Variants in KCNH7 observed in about 807,000 individuals in gnomAD.
The protein encoded by KCNH7 is potassium voltage-gated channel subfamily H member 7, also known as voltage-gated inwardly rectifying potassium channel KCNH7.
Under a neutral mutation model 120.8 loss-of-function variants are expected in KCNH7, and 49 were observed. The ratio of observed to expected loss-of-function variants is 0.41; its 90% CI spans 0.32 to 0.51. The LOEUF (loss-of-function observed/expected upper bound fraction) is 0.51, where lower values mean the gene tolerates loss of function less well. Among genes scored for constraint, KCNH7 ranks in the 20% least tolerant of loss-of-function variants. The pLI is 0.38. For synonymous variants in KCNH7, 547 were observed against 516.1 expected, an observed-to-expected ratio of 1.06 and a Z score of -0.81; for missense variants, 1,097 against 1,446.6, an observed-to-expected ratio of 0.76 and a Z score of 3.92.
intron 2 of KCNH7, among the ~76,000 whole-genome samples, chr2:162,665,790 A>G (rs1200923429): frequency 2.0e-5 from 3 of 152,088 alleles, no homozygotes; most frequent in Admixed American, 1.3e-4. Flanking sequence ...GTCTAATTAA[A>G]TTCAATTAAA....
chr2:162,496,524 G>A (rs573593429), intron 6 of KCNH7, among the ~76,000 whole-genome samples: 29 of 152,138 alleles, frequency 1.9e-4, no homozygotes, highest in African/African-American at 4.8e-4. Context: ...CTGGGAACCC[G>A]CTTTCAGAGC....
chr2:162,739,673 G>C (rs1293353212), intron 2 of KCNH7, among the ~76,000 whole-genome samples: 1 of 152,134 alleles, frequency 6.6e-6, no homozygotes, highest in Non-Finnish European at 1.5e-5. Flanking sequence ...AGTGAGACCT[G>C]ATCATTGGGA....
In KCNH7 at chr2:162,674,238, T is replaced by C. The variant is rs529867049; in HGVS notation, c.308-137158A>G. ...TACTAGAGATAAAAGTGTTAGAGAA[T>C]GAAGCAAAAATGATAGTAGCAGAAT... On this transcript the variant is annotated intron_variant, in intron 2 of 15. Transcript: ENST00000332142. 8.6e-5 allele frequency among the ~76,000 whole-genome samples: 13 copies of C among 151,880 alleles called. No individual in the cohort carries two copies. In the South Asian group the frequency reaches 1.2e-3, roughly 15 times the overall value.
chr2:162,459,954 C>T (rs1463570166), intron 6 of KCNH7, among the ~76,000 whole-genome samples: 2 of 151,798 alleles, frequency 1.3e-5, no homozygotes, highest in African/African-American at 4.8e-5. Context: ...ATTAGCTGGG[C>T]GTGGTGGCGC....
intron 2 of KCNH7, among the ~76,000 whole-genome samples, chr2:162,540,820 T>C (rs934944321): frequency 6.6e-6 from 1 of 152,014 alleles, no homozygotes; most frequent in East Asian, 1.9e-4. Context: ...ATGAATAGCT[T>C]ATAGAGGAGG....
intron 6 of KCNH7, among the ~76,000 whole-genome samples, chr2:162,495,945 A>G (rs141901452): frequency 2.7e-4 from 41 of 152,328 alleles, no homozygotes; most frequent in African/African-American, 8.9e-4. Flanking sequence ...TTATCTGGGC[A>G]TGTCAGCAAT....
intron 2 of KCNH7, among the ~76,000 whole-genome samples, chr2:162,580,852 A>G (rs944627966): frequency 9.2e-5 from 14 of 152,078 alleles, no homozygotes; most frequent in Non-Finnish European, 1.3e-4. Context: ...AGGAACATGT[A>G]GAGAGAAACC....
At chr2:162,562,835 CT>C (rs1388986235) in intron 2 of KCNH7, among the ~76,000 whole-genome samples, 1 of 152,190 alleles carries the variant, frequency 6.6e-6, no homozygotes, top group African/African-American at 2.4e-5. Context: ...CTAGCATAAA[CT>C]CTTTCCTTCT....
intron 2 of KCNH7, among the ~76,000 whole-genome samples, chr2:162,805,782 G>A (rs936576349): frequency 2.0e-5 from 3 of 152,078 alleles, no homozygotes; most frequent in African/African-American, 7.2e-5. Context: ...ACATATACAT[G>A]TATGTTTGTT....
intron 2 of KCNH7, among the ~76,000 whole-genome samples, chr2:162,823,115 C>T (rs1169954867): frequency 6.6e-6 from 1 of 152,122 alleles, no homozygotes; most frequent in Non-Finnish European, 1.5e-5. Context: ...AGAAGACAGT[C>T]TGCACTCAGA....
intron 12 of KCNH7, among the ~76,000 whole-genome samples, chr2:162,388,273 C>G (rs1039903635): frequency 2.6e-5 from 4 of 151,660 alleles, no homozygotes; most frequent in African/African-American, 9.7e-5. Context: ...TTCTGGAGCT[C>G]TATTCTACAG....
intron 2 of KCNH7, among the ~76,000 whole-genome samples, chr2:162,701,406 C>T (rs1009631932): frequency 6.6e-6 from 1 of 152,040 alleles, no homozygotes; most frequent in Non-Finnish European, 1.5e-5. Context: ...TAGAAGCCCT[C>T]ATTACACACT....
At chr2:162,429,867 A>T (rs982080556) in intron 8 of KCNH7, among the ~76,000 whole-genome samples, 2 of 151,678 alleles carry the variant, frequency 1.3e-5, no homozygotes, top group African/African-American at 4.8e-5. Context: ...TTCTATCATT[A>T]AAAAAACAGA....
chr2:162,663,567 C>T (rs1231258312), intron 2 of KCNH7, among the ~76,000 whole-genome samples: 10 of 152,194 alleles, frequency 6.6e-5, no homozygotes, highest in East Asian at 1.9e-4. Context: ...TTAACTGTTG[C>T]CCCACTGTGA....
intron 1 of KCNH7, among the ~76,000 whole-genome samples, chr2:162,837,673 T>C (rs1490570109): frequency 6.6e-6 from 1 of 152,192 alleles, no homozygotes. Context: ...AAATACAGGA[T>C]TTTAAATTAA....
At chr2:162,752,556 A>C (rs1484034905) in intron 2 of KCNH7, among the ~76,000 whole-genome samples, 1 of 152,028 alleles carries the variant, frequency 6.6e-6, no homozygotes, top group Non-Finnish European at 1.5e-5. Flanking sequence ...TTTGGCTTGA[A>C]AGCCTTCACC....
chr2:162,615,846 T>C (rs992197334), intron 2 of KCNH7, among the ~76,000 whole-genome samples: 3 of 152,204 alleles, frequency 2.0e-5, no homozygotes, highest in Non-Finnish European at 4.4e-5. Flanking sequence ...AGAAATGTAC[T>C]AATGATCCAT....
chr2:162,413,784 A>G (rs1687462107), intron 9 of KCNH7, among the ~76,000 whole-genome samples: 1 of 152,014 alleles, frequency 6.6e-6, no homozygotes, highest in Non-Finnish European at 1.5e-5. Flanking sequence ...ATATTAAAAA[A>G]AAACAGCAAT....
intron 8 of KCNH7, among the ~76,000 whole-genome samples, chr2:162,429,137 T>C (rs1381789653): frequency 1.3e-5 from 2 of 151,806 alleles, no homozygotes; most frequent in South Asian, 2.1e-4. Context: ...TTAGCTATAG[T>C]TGTAGGATTT....
Sources: allele counts gnomAD v4.1 joint callset (sites outside exome capture counted in the v4.1 genomes callset), GRCh38; gene constraint gnomAD v4.1.1; transcripts MANE v1.5; gene names NCBI Gene and HGNC (gene_info 2026-07-23, HGNC 2026-07-21).